RIPK2: variants seen among roughly 807,000 people sequenced by gnomAD.
RIPK2 encodes the protein receptor interacting serine/threonine kinase 2, also known as receptor-interacting serine/threonine-protein kinase 2.
Under a neutral mutation model 60.9 loss-of-function variants are expected in RIPK2, and 38 were observed. The ratio of observed to expected loss-of-function variants is 0.62; its 90% confidence interval spans 0.48 to 0.82. RIPK2 has a LOEUF of 0.82. Ranked by LOEUF, RIPK2 falls within the 40% of genes least tolerant of loss-of-function variation. The pLI is 0.00. For synonymous variants in RIPK2, 225 were observed against 223.4 expected (o/e 1.01, Z -0.06); for missense variants, 518 against 647.0 (o/e 0.80, Z 2.16).
chr8:89,770,480 T>G (rs1219060146), intron 4 of RIPK2, among the ~76,000 whole-genome samples: 1 of 151,850 alleles, frequency 6.6e-6, no homozygotes, highest in African/African-American at 2.4e-5. Context: ...CATAACACAT[T>G]GTTATTGACA....
At chr8:89,778,099 T>C (rs1809431464) in intron 6 of RIPK2, among the ~76,000 whole-genome samples, 1 of 151,512 alleles carries the variant, frequency 6.6e-6, no homozygotes, top group African/African-American at 2.4e-5. Flanking sequence ...CTTGAAAAAC[T>C]AAAAGCAAGC....
intron 6 of RIPK2, among the ~76,000 whole-genome samples, chr8:89,774,972 G>C (rs149067740): frequency 6.6e-6 from 1 of 152,206 alleles, no homozygotes; most frequent in East Asian, 1.9e-4. Context: ...TGTCATCACC[G>C]GTAATCCAAA....
At position 89,769,863 on chromosome 8, in the gene RIPK2, A is replaced by G; in HGVS notation, c.575A>G (p.Tyr192Cys). 3 of 1,609,038 alleles carry G rather than the reference A, an allele frequency of 1.9e-6. No individual in the cohort carries two copies. The highest frequency in any genetic ancestry group is 2.2e-5 in the East Asian group (1 of 44,574). Residue 192 changes from tyrosine to cysteine, a missense_variant, in exon 4 of 11, where the codon TAT becomes TGT. This residue lies in a region of RIPK2 where 448 missense variants were observed against 534.7 expected (regional missense o/e 0.84). Coordinates refer to ENST00000220751, the MANE Select transcript of RIPK2 (RefSeq NM_003821.6). ...GCACCAGAAGGAGGGACAATTATCT[A>G]TATGCCACCTGAAAACTATGAACCT... ...KSAPEGGTIIYMPPENYEPGQ... is the reference protein window; with the variant it reads ...KSAPEGGTIICMPPENYEPGQ...
At chr8:89,784,307 T>G (rs1314851024) in intron 8 of RIPK2, among the ~76,000 whole-genome samples, 168 bp downstream of exon 8, 1 of 152,210 alleles carries the variant, frequency 6.6e-6, no homozygotes, top group Non-Finnish European at 1.5e-5. Flanking sequence ...GAAACCCAGC[T>G]GTACTGATTC....
At chr8:89,762,751 A>T in intron 1 of RIPK2, 78 bp from the exon 2 acceptor site, 1 of 794,026 alleles carries the variant, frequency 1.3e-6, no homozygotes, top group Non-Finnish European at 1.8e-6. Context: ...AATGAAAAAA[A>T]ATCCAGGCTT....
intron 8 of RIPK2, among the ~76,000 whole-genome samples, chr8:89,785,181 A>G (rs1453215622): frequency 6.6e-6 from 1 of 152,174 alleles, no homozygotes; most frequent in Non-Finnish European, 1.5e-5. Flanking sequence ...CGCAGTCAAA[A>G]CATTGTTTCA....
At chr8:89,763,487 T>C (rs1268536615) in intron 2 of RIPK2, among the ~76,000 whole-genome samples, 2 of 152,138 alleles carry the variant, frequency 1.3e-5, no homozygotes, top group Non-Finnish European at 1.5e-5. Context: ...AAGGTACCAG[T>C]CACTCTCTCT....
intron 1 of RIPK2, among the ~76,000 whole-genome samples, chr8:89,761,689 C>T (rs140304707): frequency 7.3e-4 from 108 of 148,402 alleles, no homozygotes; most frequent in African/African-American, 2.5e-3. Context: ...CCAGTCTGGG[C>T]GACATAGCAA....
chr8:89,770,211 G>A (rs1809290878), intron 4 of RIPK2, among the ~76,000 whole-genome samples: 1 of 151,728 alleles, frequency 6.6e-6, no homozygotes, highest in South Asian at 2.1e-4. Flanking sequence ...ATGTGACTTG[G>A]AAATGCAGAG....
intron 6 of RIPK2, among the ~76,000 whole-genome samples, chr8:89,774,485 A>C (rs1486966630): frequency 6.6e-6 from 1 of 152,194 alleles, no homozygotes; most frequent in East Asian, 1.9e-4. Context: ...ACGGTTTGGC[A>C]GTTTCTTAAA....
At chr8:89,759,319 C>A (rs1166313622) in intron 1 of RIPK2, 1 of 456,260 alleles carries the variant, frequency 2.2e-6, no homozygotes, top group Non-Finnish European at 4.4e-6. Context: ...TTACTTCCTA[C>A]AGGGATTTAA....
chr8:89,766,170 A>T (rs761614517), intron 3 of RIPK2, among the ~76,000 whole-genome samples: 3 of 151,858 alleles, frequency 2.0e-5, no homozygotes, highest in Non-Finnish European at 1.5e-5. Flanking sequence ...TTGTGCTTGT[A>T]ACAATAGTTG....
rs1344117615 is a variant in RIPK2, at chr8:89,758,239, C to CA, written c.173+7dup. The CA allele has an allele frequency of 1.3e-6, 2 of 1,596,552 alleles. No homozygotes were observed. Among genetic ancestry groups the CA allele is most frequent in the Admixed American group, 3.4e-5 (2 of 58,920 alleles). ...CACACTCCGCTGCTCGACAGGTAGG[C>CA]AGTCACTGGGGTTCCCTGGAAGAGC... On this transcript the variant is annotated splice_region_variant and intron_variant, in intron 1 of 10. Coordinates refer to ENST00000220751, the MANE Select transcript of RIPK2 (RefSeq NM_003821.6).
At chr8:89,773,295 C>T (rs1044053893) in intron 6 of RIPK2, among the ~76,000 whole-genome samples, 2 of 152,086 alleles carry the variant, frequency 1.3e-5, no homozygotes, top group Non-Finnish European at 2.9e-5. Context: ...TAGGGGCAAA[C>T]ATTTGAGCTG....
intron 4 of RIPK2, among the ~76,000 whole-genome samples, chr8:89,771,010 T>C (rs1407842552): frequency 1.3e-5 from 2 of 151,900 alleles, no homozygotes; most frequent in East Asian, 3.9e-4. Flanking sequence ...TTCTTAAAGC[T>C]GGTTTGATTC....
intron 1 of RIPK2, among the ~76,000 whole-genome samples, chr8:89,760,655 GTGTGACCATTAGAAAAGTATTAA>G (rs1464651590): frequency 9.2e-5 from 14 of 152,264 alleles, no homozygotes; most frequent in Admixed American, 9.2e-4. Flanking sequence ...CCACTTATTA[GTGTGACCATTAGAAAAGTATTAA>G]TTTTTCTGAG....
chr8:89,771,856 TA>T, intron 5 of RIPK2, 66 bp downstream of exon 5: 2 of 992,886 alleles, frequency 2.0e-6, no homozygotes, highest in Non-Finnish European at 1.6e-6. Context: ...CAGAACTATC[TA>T]AAAATCATGT....
Position 89,774,691 on chromosome 8 carries a change from A to G in RIPK2, c.853+1863A>G, listed in dbSNP as rs149890706. ...GAATCTGTTGTTCCAGGAAGAGTCC[A>G]GGATCCTAATATAAAATTGAACATC... On this transcript the variant is annotated intron_variant, in intron 6 of 10. Transcript: ENST00000220751. 3.3e-5 allele frequency among the ~76,000 whole-genome samples: 5 copies of G among 152,306 alleles called. No homozygotes were observed. The East Asian group carries it at 7.7e-4, about 23-fold the overall frequency.
chr8:89,777,425 G>C (rs1392818801), intron 6 of RIPK2, among the ~76,000 whole-genome samples: 3 of 152,168 alleles, frequency 2.0e-5, no homozygotes, highest in African/African-American at 7.2e-5. Context: ...CTTTTGATTT[G>C]TAAATATAAT....
Sources: allele counts gnomAD v4.1 joint callset (sites outside exome capture counted in the v4.1 genomes callset), GRCh38; gene constraint gnomAD v4.1.1; regional missense constraint gnomAD v4.1.1; transcripts MANE v1.5; gene names NCBI Gene and HGNC (gene_info 2026-07-23, HGNC 2026-07-21).